PPP1R9A: variants seen among roughly 807,000 people sequenced by gnomAD.
PPP1R9A encodes neurabin-1.
Under a neutral mutation model 141.9 loss-of-function variants are expected in PPP1R9A, and 59 were observed. The ratio of observed to expected loss-of-function variants is 0.42; its 90% CI spans 0.34 to 0.52. PPP1R9A has a LOEUF of 0.52. Among genes scored for constraint, PPP1R9A ranks in the 20% least tolerant of loss-of-function variants. PPP1R9A has a pLI of 0.10. For missense variants in PPP1R9A, 1,444 were observed against 1,611.9 expected, an observed-to-expected ratio of 0.90 and a Z score of 1.78; for synonymous variants, 500 against 569.7, an observed-to-expected ratio of 0.88 and a Z score of 1.74.
At chr7:95,020,698 C>G (rs1363363656) in intron 2 of PPP1R9A, among the ~76,000 whole-genome samples, 8 of 152,098 alleles carry the variant, frequency 5.3e-5, no homozygotes. Flanking sequence ...TGAGTGAGAA[C>G]ATGTAGTGTT....
At chr7:95,126,026 T>C (rs1823507310) in intron 4 of PPP1R9A, among the ~76,000 whole-genome samples, 1 of 152,180 alleles carries the variant, frequency 6.6e-6, no homozygotes, top group South Asian at 2.1e-4. Context: ...GTTTCCTCTC[T>C]GTGCACACAC....
chr7:94,931,900 G>A (rs1794209769), intron 2 of PPP1R9A, among the ~76,000 whole-genome samples: 1 of 152,154 alleles, frequency 6.6e-6, no homozygotes, highest in Non-Finnish European at 1.5e-5. Context: ...TTAAAATACA[G>A]TTTCTATGTG....
At chr7:95,034,712 C>T (rs116766780) in intron 2 of PPP1R9A, among the ~76,000 whole-genome samples, 2,918 of 152,218 alleles carry the variant, frequency 0.019, 104 homozygotes, top group African/African-American at 0.067. Context: ...TACAGTAGTG[C>T]TGCATTTACC....
chr7:95,241,342 TA>T (rs1346815773), intron 8 of PPP1R9A, among the ~76,000 whole-genome samples: 1 of 152,038 alleles, frequency 6.6e-6, no homozygotes, highest in Non-Finnish European at 1.5e-5. Context: ...GGCAAGACAG[TA>T]GGGGTTGTCC....
intron 2 of PPP1R9A, among the ~76,000 whole-genome samples, chr7:95,086,901 G>T (rs1201824681): frequency 4.6e-5 from 7 of 151,926 alleles, no homozygotes; most frequent in African/African-American, 1.2e-4. Flanking sequence ...GAGAGTTTAG[G>T]TCGGGAGCAA....
At chr7:94,963,851 C>T (rs1396752277) in intron 2 of PPP1R9A, among the ~76,000 whole-genome samples, 2 of 150,750 alleles carry the variant, frequency 1.3e-5, no homozygotes, top group Non-Finnish European at 3.0e-5. Flanking sequence ...AGGTCTTGGC[C>T]TCATGTGGGG....
Position 94,929,291 on chromosome 7 carries a change from T to A in PPP1R9A, c.1395+17783T>A, listed in dbSNP as rs1331299467. 2.6e-5 allele frequency among the ~76,000 whole-genome samples: 4 copies of A among 152,132 alleles called. No individual in the cohort carries two copies. The East Asian group carries it at 7.7e-4, about 29-fold the overall frequency. On this transcript the variant is annotated intron_variant, in intron 2 of 19. Coordinates refer to ENST00000433360, the MANE Select transcript of PPP1R9A (RefSeq NM_001166160.2). ...GGAGAGACGGACACGTAAGTCACAA[T>A]GTACTGAGAGTTGCATTGCAATAGA...
At chr7:94,944,948 T>G (rs1230631032) in intron 2 of PPP1R9A, among the ~76,000 whole-genome samples, 2 of 152,040 alleles carry the variant, frequency 1.3e-5, no homozygotes, top group Non-Finnish European at 2.9e-5. Context: ...GTATAATGTC[T>G]GTGTTTGATA....
intron 4 of PPP1R9A, among the ~76,000 whole-genome samples, chr7:95,139,639 C>T (rs530477588): frequency 1.3e-5 from 2 of 152,052 alleles, no homozygotes; most frequent in East Asian, 1.9e-4. Flanking sequence ...GCTGCTAATT[C>T]GTAGAGTACT....
chr7:95,170,064 A>C (rs575309783), intron 5 of PPP1R9A, among the ~76,000 whole-genome samples: 1 of 151,930 alleles, frequency 6.6e-6, no homozygotes, highest in Non-Finnish European at 1.5e-5. Flanking sequence ...TTCTACTCCA[A>C]CTTCTAAAAT....
At chr7:94,931,590 T>A (rs557431943) in intron 2 of PPP1R9A, among the ~76,000 whole-genome samples, 1 of 152,174 alleles carries the variant, frequency 6.6e-6, no homozygotes, top group Admixed American at 6.5e-5. Flanking sequence ...TTATTTTTAT[T>A]TTTTTGAGAA....
chr7:95,136,391 G>A (rs1227979323), intron 4 of PPP1R9A, among the ~76,000 whole-genome samples: 1 of 152,080 alleles, frequency 6.6e-6, no homozygotes, highest in African/African-American at 2.4e-5. Flanking sequence ...AGGAGTTTGA[G>A]ACCAGCCTTG....
At chr7:95,150,146 C>T (rs1321443286) in intron 4 of PPP1R9A, among the ~76,000 whole-genome samples, 1 of 144,828 alleles carries the variant, frequency 6.9e-6, no homozygotes, top group Non-Finnish European at 1.5e-5. Context: ...AACTGGACAT[C>T]CCCCTGCCAA....
intron 2 of PPP1R9A, among the ~76,000 whole-genome samples, chr7:95,094,753 G>A (rs1454378284): frequency 4.6e-5 from 7 of 151,694 alleles, no homozygotes; most frequent in East Asian, 1.9e-4. Flanking sequence ...GGTGGCATGC[G>A]CCTGTAATCC....
intron 2 of PPP1R9A, among the ~76,000 whole-genome samples, chr7:94,930,662 A>G (rs989948337): frequency 6.6e-6 from 1 of 152,024 alleles, no homozygotes; most frequent in African/African-American, 2.4e-5. Flanking sequence ...TTTTATAGAG[A>G]TGGGTTGGTA....
chr7:95,274,481 A>T (rs1802797962), intron 16 of PPP1R9A, among the ~76,000 whole-genome samples: 1 of 152,224 alleles, frequency 6.6e-6, no homozygotes, highest in Admixed American at 6.5e-5. Flanking sequence ...TATTTATGTG[A>T]TACTTCAGAT....
chr7:94,974,677 T>C (rs910607214), intron 2 of PPP1R9A, among the ~76,000 whole-genome samples: 6 of 152,238 alleles, frequency 3.9e-5, no homozygotes, highest in African/African-American at 1.4e-4. Context: ...TTGTTTTATT[T>C]TCTTAACTCC....
chr7:95,048,813 G>A (rs1584437490), intron 2 of PPP1R9A, among the ~76,000 whole-genome samples: 1 of 152,028 alleles, frequency 6.6e-6, no homozygotes, highest in Non-Finnish European at 1.5e-5. Flanking sequence ...CGAAAGTGCT[G>A]GGATTACAGG....
rs752443020 is a variant in PPP1R9A, at chr7:95,284,037, G to A, written c.3316G>A (p.Glu1106Lys). Reference sequence around the variant, plus strand: ...AAACAGGATCTTCAGAGGCAGACTGGAAAACTGGACACCCAAGCCATGTTC... The same window carrying A: ...AAACAGGATCTTCAGAGGCAGACTGAAAAACTGGACACCCAAGCCATGTTC... Reference protein sequence around the residue: ...AGSRIFRGRLENWTPKPCSTA... With the variant: ...AGSRIFRGRLKNWTPKPCSTA... The change falls in exon 17 of 20, where the codon GAA (glutamate) becomes AAA (lysine). Residue 1106 changes from glutamate to lysine, a missense_variant. This residue lies in a region of PPP1R9A where 459 missense variants were observed against 513.8 expected (regional missense o/e 0.89). Transcript: ENST00000433360. 1 of 1,595,424 alleles carries A rather than the reference G, an allele frequency of 6.3e-7. No individual in the cohort carries two copies. Among genetic ancestry groups the A allele is most frequent in the South Asian group, 1.1e-5 (1 of 90,532 alleles).
Sources: allele counts gnomAD v4.1 joint callset (sites outside exome capture counted in the v4.1 genomes callset), GRCh38; gene constraint gnomAD v4.1.1; regional missense constraint gnomAD v4.1.1; transcripts MANE v1.5; gene names NCBI Gene and HGNC (gene_info 2026-07-23, HGNC 2026-07-21).